PDE4C: variants seen among roughly 807,000 people sequenced by gnomAD.
PDE4C encodes 3',5'-cyclic-AMP phosphodiesterase 4C.
In PDE4C, 50 loss-of-function variants were observed where a neutral mutation model predicts 63.9. The ratio of observed to expected loss-of-function variants is 0.78; its 90% confidence interval spans 0.62 to 0.99. PDE4C has a LOEUF of 0.99. PDE4C is among the 50% of genes least tolerant of loss of function. The probability of loss-of-function intolerance (pLI) is 0.00; values close to 1 mark genes in which losing one functional copy is unlikely to be tolerated. For missense variants in PDE4C, 777 were observed against 899.1 expected, an observed-to-expected ratio of 0.86 and a Z score of 1.74; for synonymous variants, 377 against 385.1, an observed-to-expected ratio of 0.98 and a Z score of 0.25.
chr19:18,227,951 G>A (rs978222036), upstream of PDE4C, among the ~76,000 whole-genome samples: 19 of 152,142 alleles, frequency 1.2e-4, no homozygotes, highest in African/African-American at 4.6e-4. Flanking sequence ...GAGTCACACA[G>A]CCCAGAAAAA....
chr19:18,217,125 C>T (rs1158837938), intron 11 of PDE4C: 5 of 456,820 alleles, frequency 1.1e-5, no homozygotes, highest in Non-Finnish European at 3.9e-6. Flanking sequence ...CTCATGGACC[C>T]CCTATGGCCA....
chr19:18,231,439 T>C (rs1393004556), upstream of PDE4C, among the ~76,000 whole-genome samples: 1 of 152,144 alleles, frequency 6.6e-6, no homozygotes. Context: ...AAGGAGGAAC[T>C]AGAAGCCGGG....
At chr19:18,249,922 C>A (rs550007907), upstream of PDE4C, 10 of 389,976 alleles carry the variant, frequency 2.6e-5, no homozygotes, top group African/African-American at 2.1e-4. Flanking sequence ...TGTGGATCCC[C>A]TGAAAGTAAA....
chr19:18,227,357 T>C (rs1376009127), upstream of PDE4C, among the ~76,000 whole-genome samples: 1 of 152,026 alleles, frequency 6.6e-6, no homozygotes, highest in East Asian at 1.9e-4. Context: ...ATCCCCCACC[T>C]GCTCTGACAT....
At chr19:18,246,155 AC>A (rs2148073709) in intron 1 of PDE4C, among the ~76,000 whole-genome samples, 1 of 147,558 alleles carries the variant, frequency 6.8e-6, no homozygotes, top group East Asian at 2.0e-4. Flanking sequence ...AGCTGGGATT[AC>A]AGGTGCCCGC....
At chr19:18,221,049 T>TCCGCAGGCCCCGCCCCACC in intron 4 of PDE4C, 56 bp downstream of exon 4, 5 of 1,239,968 alleles carry the variant, frequency 4.0e-6, no homozygotes, top group Non-Finnish European at 4.6e-6. Context: ...CAGCCCGCTT[T>TCCGCAGGCCCCGCCCCACC]CCGCCCACCT....
At chr19:18,249,876 T>C, upstream of PDE4C, 1 of 365,804 alleles carries the variant, frequency 2.7e-6, no homozygotes, top group Non-Finnish European at 4.9e-6. Flanking sequence ...CCCAGCCAAG[T>C]GAGCTCCTGA....
At chr19:18,252,406 C>T (rs1430276379), upstream of PDE4C, 3 of 398,666 alleles carry the variant, frequency 7.5e-6, no homozygotes, top group Non-Finnish European at 8.8e-6. Context: ...GTGCTGTGGG[C>T]GAAGGGAGAA....
rs73001432 is a variant in PDE4C at position 18,213,837 on chromosome 19, G to A, written c.1390-347C>T. On this transcript the variant is annotated intron_variant, in intron 12 of 14. Coordinates refer to ENST00000262805, the Ensembl canonical transcript of PDE4C. ...AACCCACCTGTGGGGTGGGTGGGGC[G>A]GAAGGCATTCGTTGAGTCACAGCAA... Among the ~76,000 whole-genome samples, 803 of 152,246 alleles carry A rather than the reference G, an allele frequency of 5.3e-3. 6 individuals carry two copies. The highest frequency in any genetic ancestry group is 0.034 in the East Asian group (176 of 5,180).
the PDE4C span, among the ~76,000 whole-genome samples, chr19:18,253,859 A>G: frequency 2.0e-5 from 3 of 152,248 alleles, no homozygotes; most frequent in African/African-American, 7.2e-5. Flanking sequence ...ACGACTTCCC[A>G]CCCAGTTCCA....
chr19:18,223,130 C>G (rs1396579624), intron 1 of PDE4C, among the ~76,000 whole-genome samples: 1 of 152,062 alleles, frequency 6.6e-6, no homozygotes, highest in South Asian at 2.1e-4. Flanking sequence ...GCAACCTCCA[C>G]CTCCCGGGTT....
exon 15 of PDE4C, chr19:18,210,894 C>T: frequency 6.5e-7 from 1 of 1,541,004 alleles, no homozygotes; most frequent in Non-Finnish European, 8.7e-7. Flanking sequence ...AGGGCTTTAC[C>T]ATCCATTGCC....
At chr19:18,221,006 A>G (rs774806834) in intron 4 of PDE4C, 83 bp from the exon 5 acceptor site, 263 of 1,492,066 alleles carry the variant, frequency 1.8e-4, no homozygotes, top group Non-Finnish European at 2.2e-4. Context: ...CCTCAAACCC[A>G]CCTGGAGGCG....
chr19:18,224,571 G>A lies in PDE4C; in HGVS notation c.146+1699C>T, dbSNP rs1194626512. The A allele has an allele frequency of 4.2e-6, 4 of 941,570 alleles. No homozygotes were observed. The African/African-American group carries it at 7.1e-5, about 17-fold the overall frequency. 58.3% of individuals were successfully genotyped at this position (941,570 alleles called of 1,614,324 possible). A position where few individuals can be genotyped will look rare whatever the true frequency, so the allele number is the denominator to read the frequency against. On this transcript the variant is annotated intron_variant, in intron 1 of 14. Transcript: ENST00000262805. ...GTCCGATTGAGCTCGGGAGACTTCGGATAAGTTCGAGCTTGTTCGCCTAAG... is the reference window on the plus strand; with the variant it reads ...GTCCGATTGAGCTCGGGAGACTTCGAATAAGTTCGAGCTTGTTCGCCTAAG...
chr19:18,246,908 C>T (rs1002200237), intron 1 of PDE4C, among the ~76,000 whole-genome samples: 3 of 152,140 alleles, frequency 2.0e-5, no homozygotes, highest in African/African-American at 7.2e-5. Flanking sequence ...GCCTGGGCGA[C>T]AGAGTGAGAC....
At chr19:18,245,187 A>G (rs1969109796) in intron 1 of PDE4C, among the ~76,000 whole-genome samples, 1 of 132,426 alleles carries the variant, frequency 7.6e-6, no homozygotes, top group Non-Finnish European at 1.6e-5. Context: ...TGTTTGAGAC[A>G]GAGTCGCACT....
At chr19:18,243,636 G>A (rs1464626101) in intron 1 of PDE4C, among the ~76,000 whole-genome samples, 4 of 152,180 alleles carry the variant, frequency 2.6e-5, no homozygotes, top group African/African-American at 9.7e-5. Context: ...AACTGAAGGT[G>A]AAACAGACCT....
the PDE4C span, among the ~76,000 whole-genome samples, chr19:18,254,462 G>C: frequency 2.6e-5 from 4 of 152,208 alleles, no homozygotes; most frequent in Non-Finnish European, 5.9e-5. Flanking sequence ...CTGGGTGTTT[G>C]CTCTCCCCAG....
At chr19:18,241,971 A>G (rs1325664857) in intron 1 of PDE4C, among the ~76,000 whole-genome samples, 1 of 152,234 alleles carries the variant, frequency 6.6e-6, no homozygotes, top group Non-Finnish European at 1.5e-5. Flanking sequence ...CGTGTTAGGA[A>G]GAAAAGAAAA....
Sources: gnomAD v4.1 joint callset for allele counts (sites outside exome capture counted in the v4.1 genomes callset) on GRCh38, gnomAD v4.1.1 for gene constraint, MANE v1.5 for transcripts, NCBI Gene and HGNC (gene_info 2026-07-23, HGNC 2026-07-21) for gene names.